Variants in FAM124A observed in about 807,000 individuals in gnomAD.
FAM124A encodes protein FAM124A.
A neutral mutation model predicts 24.5 loss-of-function variants in FAM124A; 23 were observed. The ratio of observed to expected loss-of-function variants is 0.94; its 90% CI spans 0.68 to 1.33. FAM124A has a LOEUF of 1.33. FAM124A is among the 40% of genes most tolerant of loss of function. The pLI, the probability that FAM124A is intolerant of heterozygous loss-of-function variation, is 0.00. For synonymous variants in FAM124A, 287 were observed against 314.7 expected, an observed-to-expected ratio of 0.91 and a Z score of 0.93; for missense variants, 623 against 722.8, an observed-to-expected ratio of 0.86 and a Z score of 1.58.
chr13:51,239,087 G>A (rs537131868), intron 2 of FAM124A, among the ~76,000 whole-genome samples: 9 of 152,248 alleles, frequency 5.9e-5, no homozygotes, highest in African/African-American at 2.2e-4. Flanking sequence ...AGCTGAAGTG[G>A]TACTTCAGGG....
At position 51,243,985 on chromosome 13, in the gene FAM124A, C is replaced by T. The variant is rs999008310; in HGVS notation, c.101-7483C>T. 3.3e-5 allele frequency among the ~76,000 whole-genome samples: 5 copies of T among 152,182 alleles called. No individual in the cohort carries two copies. The South Asian group carries it at 6.2e-4, about 19-fold the overall frequency. ...TCCCAGCCCCCAAGCCACTCAGTGCCGTTGATGGGGGCTTTAGAAATGCAA... is the reference window on the plus strand; with the variant it reads ...TCCCAGCCCCCAAGCCACTCAGTGCTGTTGATGGGGGCTTTAGAAATGCAA... On this transcript the variant is annotated intron_variant, in intron 2 of 3. Coordinates refer to ENST00000322475, the MANE Select transcript of FAM124A (RefSeq NM_001242312.2).
chr13:51,230,669 T>C (rs1420373481), intron 1 of FAM124A, among the ~76,000 whole-genome samples: 4 of 152,202 alleles, frequency 2.6e-5, no homozygotes, highest in African/African-American at 9.7e-5. Context: ...AGCCCCACTC[T>C]TACGGAGGCT....
At chr13:51,229,658 G>A (rs756398991) in intron 1 of FAM124A, among the ~76,000 whole-genome samples, 49 of 152,176 alleles carry the variant, frequency 3.2e-4, no homozygotes, top group Admixed American at 2.4e-3. Flanking sequence ...TATTTGAATA[G>A]TCATGACATT....
chr13:51,274,083 G>A (rs1954863822), intron 3 of FAM124A, among the ~76,000 whole-genome samples: 4 of 152,184 alleles, frequency 2.6e-5, no homozygotes, highest in Non-Finnish European at 5.9e-5. Context: ...GTCCTCAGCT[G>A]TCACTTTGAT....
chr13:51,260,435 G>A (rs892851589), intron 3 of FAM124A, among the ~76,000 whole-genome samples: 1 of 152,178 alleles, frequency 6.6e-6, no homozygotes, highest in Non-Finnish European at 1.5e-5. Context: ...TCCCCAGTTG[G>A]TCTTGCCTGA....
rs1376115207 is a variant in FAM124A, at chr13:51,251,650, A to G, written c.283A>G (p.Lys95Glu). The G allele has an allele frequency of 1.9e-6, 3 of 1,580,264 alleles. No homozygotes were observed. The highest frequency in any genetic ancestry group is 4.6e-5 in the East Asian group (2 of 43,620). Reference sequence around the variant, plus strand: ...GTCCCGGCGGCGGCGGAAGCCCCCCAAGGGCGCTCAGCCAGCGCTGGCTGT... The same window carrying G: ...GTCCCGGCGGCGGCGGAAGCCCCCCGAGGGCGCTCAGCCAGCGCTGGCTGT... Reference protein sequence around the residue: ...RASRRRRKPPKGAQPALAVVL... With the variant: ...RASRRRRKPPEGAQPALAVVL... The change falls in exon 3 of 4, where the codon AAG (lysine) becomes GAG (glutamate). Residue 95 changes from lysine to glutamate, a missense_variant. Lys to Glu is a moderately conservative substitution (Grantham distance 56, BLOSUM62 1). Coordinates refer to ENST00000322475, the MANE Select transcript of FAM124A (RefSeq NM_001242312.2). The surrounding 1 kb of genome is among the most constrained non-coding windows in gnomAD (Gnocchi z 5.3).
At chr13:51,231,430 G>A (rs1204410532) in intron 2 of FAM124A, 51 bp downstream of exon 2, 1 of 1,595,756 alleles carries the variant, frequency 6.3e-7, no homozygotes, top group African/African-American at 1.4e-5. Context: ...CCCCGGAGAG[G>A]TCAGTACCCT....
At chr13:51,244,103 C>A (rs984081981) in intron 2 of FAM124A, among the ~76,000 whole-genome samples, 7 of 152,246 alleles carry the variant, frequency 4.6e-5, no homozygotes, top group Admixed American at 3.9e-4. Context: ...AGGTGCCCTC[C>A]TTCACAGTCT....
intron 2 of FAM124A, among the ~76,000 whole-genome samples, chr13:51,235,009 A>G (rs970723350): frequency 6.6e-6 from 1 of 152,088 alleles, no homozygotes; most frequent in African/African-American, 2.4e-5. Flanking sequence ...CACTTCGCTG[A>G]CTTGTCCTCT....
chr13:51,251,832 T>G lies in FAM124A; in HGVS notation c.465T>G (p.Pro155=), dbSNP rs2137678883. The change falls in exon 3 of 4, where the codon CCT becomes CCG. Residue 155 remains proline, a synonymous_variant. Transcript: ENST00000322475. The surrounding 1 kb of genome is among the most constrained non-coding windows in gnomAD (Gnocchi z 5.3). ...GCCAGGACTTCTTCACGCTGGCCCC[T>G]GGGACGCCGCTTTGGGCCATCCGGC... ...PCSQDFFTLA[P]GTPLWAIRPV... is the part of the protein sequence containing the mutation. The G allele has an allele frequency of 6.2e-7, 1 of 1,607,856 alleles. No homozygotes were observed. The highest frequency in any genetic ancestry group is 8.5e-7 in the Non-Finnish European group (1 of 1,177,194).
At position 51,251,219 on chromosome 13, in the gene FAM124A, A is replaced by G. The variant is rs1198434679; in HGVS notation, c.101-249A>G. Among the ~76,000 whole-genome samples, 3 of 152,226 alleles carry G rather than the reference A, an allele frequency of 2.0e-5. No homozygotes were observed. Among genetic ancestry groups the G allele is most frequent in the South Asian group, 2.1e-4 (1 of 4,832 alleles). On this transcript the variant is annotated intron_variant, in intron 2 of 3. Transcript: ENST00000322475. The surrounding 1 kb of genome is among the most constrained non-coding windows in gnomAD (Gnocchi z 5.3). ...ACCAACCTGATGAAATACAGGACCAAGGTTCTCCTCACCCTGTCCAGCTTA... is the reference window on the plus strand; with the variant it reads ...ACCAACCTGATGAAATACAGGACCAGGGTTCTCCTCACCCTGTCCAGCTTA...
At chr13:51,256,312 T>C (rs1954673535) in intron 3 of FAM124A, among the ~76,000 whole-genome samples, 1 of 152,232 alleles carries the variant, frequency 6.6e-6, no homozygotes, top group African/African-American at 2.4e-5. Flanking sequence ...TCTCCAAGTC[T>C]GTGGAAAAGT....
chr13:51,262,749 C>T (rs1954749599), intron 3 of FAM124A, among the ~76,000 whole-genome samples: 1 of 152,108 alleles, frequency 6.6e-6, no homozygotes, highest in Non-Finnish European at 1.5e-5. Context: ...CTGTTTGCTG[C>T]CAAAGAATCT....
At chr13:51,247,265 A>AGGC (rs995844982) in intron 2 of FAM124A, among the ~76,000 whole-genome samples, 57 of 152,290 alleles carry the variant, frequency 3.7e-4, no homozygotes, top group African/African-American at 1.3e-3. Flanking sequence ...TACAGTGGAG[A>AGGC]GGCGAGCACA....
intron 1 of FAM124A, chr13:51,225,227 G>T (rs1036535149): frequency 1.3e-5 from 2 of 152,166 alleles, no homozygotes; most frequent in African/African-American, 4.8e-5. Flanking sequence ...TCCAAGTAAA[G>T]ATGATGAATC....
intron 3 of FAM124A, 108 bp downstream of exon 3, chr13:51,252,309 T>G: frequency 5.8e-6 from 8 of 1,379,450 alleles, no homozygotes; most frequent in African/African-American, 1.4e-5. Context: ...GAAGGAGAGA[T>G]CAGTGACCCT....
At chr13:51,260,302 C>A (rs2137690763) in intron 3 of FAM124A, among the ~76,000 whole-genome samples, 1 of 152,262 alleles carries the variant, frequency 6.6e-6, no homozygotes, top group South Asian at 2.1e-4. Context: ...TGTGAGAGAG[C>A]CCCGCTTCTC....
intron 2 of FAM124A, among the ~76,000 whole-genome samples, chr13:51,233,766 T>C (rs556587739): frequency 6.6e-6 from 1 of 152,360 alleles, no homozygotes; most frequent in East Asian, 1.9e-4. Context: ...TCCTTTAAAG[T>C]ATCAATTTGA....
chr13:51,254,140 C>T (rs1234042695), intron 3 of FAM124A, among the ~76,000 whole-genome samples: 1 of 152,190 alleles, frequency 6.6e-6, no homozygotes, highest in East Asian at 1.9e-4. Context: ...TTTCTATCCA[C>T]ATTCTCTTTA....
Sources: gnomAD v4.1 joint callset for allele counts (sites outside exome capture counted in the v4.1 genomes callset) on GRCh38, gnomAD v4.1.1 for gene constraint, Gnocchi (gnomAD v3.1) non-coding constraint, MANE v1.5 for transcripts, NCBI Gene and HGNC (gene_info 2026-07-23, HGNC 2026-07-21) for gene names.